CAMKMT: variants seen among roughly 807,000 people sequenced by gnomAD.
CAMKMT encodes calmodulin-lysine N-methyltransferase.
Under a neutral mutation model 48.0 loss-of-function variants are expected in CAMKMT, and 53 were observed. The observed-to-expected ratio is 1.10, with a 90% CI of 0.89 to 1.39. The LOEUF (loss-of-function observed/expected upper bound fraction) is 1.39, where lower values mean the gene tolerates loss of function less well. CAMKMT is among the 40% of genes most tolerant of loss of function. CAMKMT has a pLI of 0.00. For missense variants in CAMKMT, 428 were observed against 402.7 expected, an observed-to-expected ratio of 1.06 and a Z score of -0.54; for synonymous variants, 165 against 152.3, an observed-to-expected ratio of 1.08 and a Z score of -0.61.
At chr2:44,509,297 A>G (rs2104763500) in intron 3 of CAMKMT, among the ~76,000 whole-genome samples, 1 of 151,892 alleles carries the variant, frequency 6.6e-6, no homozygotes, top group Non-Finnish European at 1.5e-5. Context: ...ACAAAAAAAA[A>G]GTTTTTTGTT....
chr2:44,749,880 C>T (rs1490264379), intron 8 of CAMKMT, among the ~76,000 whole-genome samples: 1 of 152,150 alleles, frequency 6.6e-6, no homozygotes, highest in Non-Finnish European at 1.5e-5. Flanking sequence ...GTGGTGCTTA[C>T]TCTTGCTGTG....
At chr2:44,436,562 C>T (rs1666268537) in intron 3 of CAMKMT, among the ~76,000 whole-genome samples, 2 of 148,828 alleles carry the variant, frequency 1.3e-5, no homozygotes, top group Admixed American at 6.7e-5. Flanking sequence ...GTCAAATATT[C>T]TTATTTTTAA....
chr2:44,720,449 A>G (rs1277522408), intron 7 of CAMKMT, among the ~76,000 whole-genome samples: 1 of 152,180 alleles, frequency 6.6e-6, no homozygotes, highest in Non-Finnish European at 1.5e-5. Context: ...CTCCCTTCAC[A>G]GAATTTTATA....
At chr2:44,382,832 G>A (rs781406725) in intron 2 of CAMKMT, among the ~76,000 whole-genome samples, 38 of 152,308 alleles carry the variant, frequency 2.5e-4, no homozygotes, top group Non-Finnish European at 5.0e-4. Context: ...CTCTGTGGCA[G>A]AAATAAAGAA....
At chr2:44,665,189 G>A (rs549291748) in intron 3 of CAMKMT, among the ~76,000 whole-genome samples, 2 of 152,276 alleles carry the variant, frequency 1.3e-5, no homozygotes, top group Non-Finnish European at 2.9e-5. Flanking sequence ...TCCTGCCTCA[G>A]CCTCCTGAGT....
chr2:44,362,136 C>G lies in CAMKMT; in HGVS notation c.129C>G (p.Leu43=), dbSNP rs867206727. 8.8e-6 allele frequency: 13 copies of G among 1,477,920 alleles called. 1 individual carries two copies. In the Middle Eastern group the frequency reaches 1.9e-3, roughly 217 times the overall value. The allele number at this position is 1,477,920 out of a possible 1,614,324, so 91.6% of individuals were successfully genotyped here. A position where few individuals can be genotyped will look rare whatever the true frequency, so the allele number is the denominator to read the frequency against. ...CCCTGGGAGCCGCCCGGTGGAAGCT[C>G]CTGCGGCAGGTAAGGGAGAACCTGC... ...SAPLGAARWK[L]LRQVLKQKHL... is the part of the protein sequence containing the mutation. Residue 43 remains leucine, a synonymous_variant, in exon 1 of 11, where the codon CTC becomes CTG. Coordinates refer to ENST00000378494, the MANE Select transcript of CAMKMT (RefSeq NM_024766.5).
chr2:44,772,155 T>C lies in CAMKMT; in HGVS notation c.*42T>C, dbSNP rs1451038829. The C allele has an allele frequency of 2.0e-6, 3 of 1,527,218 alleles. No individual in the cohort carries two copies. The highest frequency in any genetic ancestry group is 1.7e-5 in the Admixed American group (1 of 57,352). The allele number at this position is 1,527,218 out of a possible 1,614,324, so 94.6% of individuals were successfully genotyped here. ...AAGACGAAGAAACGTATCAAGTGCA[T>C]AGGGAATATTTTTACAAAAACGGAA... On this transcript the variant is annotated 3_prime_UTR_variant, in exon 11 of 11. Coordinates refer to ENST00000378494, the MANE Select transcript of CAMKMT (RefSeq NM_024766.5).
chr2:44,666,416 C>T (rs1050665630), intron 3 of CAMKMT, among the ~76,000 whole-genome samples: 9 of 152,076 alleles, frequency 5.9e-5, no homozygotes, highest in Non-Finnish European at 1.0e-4. Flanking sequence ...AGGACCCCCC[C>T]GAGCCCTTTG....
At chr2:44,444,351 AT>A in intron 3 of CAMKMT, among the ~76,000 whole-genome samples, 1 of 152,286 alleles carries the variant, frequency 6.6e-6, no homozygotes, top group Non-Finnish European at 1.5e-5. Flanking sequence ...ATCATGTAAA[AT>A]TTTGATTCTG....
rs569969707 is a variant in CAMKMT at position 44,380,518 on chromosome 2, G to A, written c.311+7630G>A. Among the ~76,000 whole-genome samples, 5 of 152,044 alleles carry A rather than the reference G, an allele frequency of 3.3e-5. No homozygotes were observed. The East Asian group carries it at 9.7e-4, about 29-fold the overall frequency. The stretch of plus-strand genomic sequence containing the variant: ...GTTGAAAAACTAAGACTAGACAAGA[G>A]CTTGTAGACTTGACGCTTGAATAAA... On this transcript the variant is annotated intron_variant, in intron 2 of 10. Coordinates refer to ENST00000378494, the MANE Select transcript of CAMKMT (RefSeq NM_024766.5).
intron 3 of CAMKMT, among the ~76,000 whole-genome samples, chr2:44,487,501 G>GT (rs1271602983): frequency 1.3e-5 from 2 of 151,908 alleles, no homozygotes; most frequent in East Asian, 1.9e-4. Context: ...AAATTAACAG[G>GT]TTTTTTTTAA....
At chr2:44,738,011 G>A (rs768463492) in intron 7 of CAMKMT, among the ~76,000 whole-genome samples, 1 of 151,618 alleles carries the variant, frequency 6.6e-6, no homozygotes, top group South Asian at 2.1e-4. Context: ...GCCCACCATC[G>A]TGCCCAGCTA....
intron 3 of CAMKMT, among the ~76,000 whole-genome samples, chr2:44,605,331 G>A (rs1435766705): frequency 3.3e-5 from 5 of 152,048 alleles, no homozygotes; most frequent in Non-Finnish European, 7.4e-5. Context: ...TTTTGTTATG[G>A]CCTTTACAAA....
chr2:44,481,127 A>C (rs1204372249), intron 3 of CAMKMT, among the ~76,000 whole-genome samples: 1 of 152,102 alleles, frequency 6.6e-6, no homozygotes, highest in East Asian at 1.9e-4. Flanking sequence ...ATGTGAAAGG[A>C]AACAGAATTA....
chr2:44,483,534 G>T (rs534714592), intron 3 of CAMKMT, among the ~76,000 whole-genome samples: 2 of 152,094 alleles, frequency 1.3e-5, no homozygotes, highest in South Asian at 2.1e-4. Context: ...ACCCAAACTG[G>T]TATCCTAAAT....
intron 3 of CAMKMT, among the ~76,000 whole-genome samples, chr2:44,508,633 A>C (rs2104761604): frequency 6.6e-6 from 1 of 152,332 alleles, no homozygotes; most frequent in African/African-American, 2.4e-5. Flanking sequence ...ATGTGTAGTA[A>C]AAGGAAAGTT....
At chr2:44,458,122 C>A (rs1370684029) in intron 3 of CAMKMT, among the ~76,000 whole-genome samples, 2 of 144,794 alleles carry the variant, frequency 1.4e-5, no homozygotes, top group African/African-American at 5.2e-5. Flanking sequence ...TCTCGGCTCA[C>A]TGCAACCTCT....
At chr2:44,378,846 C>T (rs141498939) in intron 2 of CAMKMT, among the ~76,000 whole-genome samples, 1 of 152,162 alleles carries the variant, frequency 6.6e-6, no homozygotes, top group Admixed American at 6.5e-5. Context: ...TCTTCTGCAG[C>T]CTTTTAGGAC....
Position 44,733,585 on chromosome 2 carries a change from G to T in CAMKMT, c.624-10037G>T, listed in dbSNP as rs145239912. 7.2e-4 allele frequency among the ~76,000 whole-genome samples: 109 copies of T among 152,260 alleles called. 1 individual carries two copies. The highest frequency in any genetic ancestry group is 2.6e-3 in the African/African-American group (106 of 41,564). ...TGTTAACTATAGGTTTTTCATAGAT[G>T]ACCTTTTTCAGGCCAAAGAATTTCC... On this transcript the variant is annotated intron_variant, in intron 7 of 10. Transcript: ENST00000378494.
Sources: gnomAD v4.1 joint callset for allele counts (sites outside exome capture counted in the v4.1 genomes callset) on GRCh38, gnomAD v4.1.1 for gene constraint, MANE v1.5 for transcripts, NCBI Gene and HGNC (gene_info 2026-07-23, HGNC 2026-07-21) for gene names.